Variants in FSTL4 observed in about 807,000 individuals in gnomAD.
FSTL4 encodes follistatin like 4.
Under a neutral mutation model 78.2 loss-of-function variants are expected in FSTL4, and 28 were observed. The ratio of observed to expected loss-of-function variants is 0.36; its 90% CI spans 0.27 to 0.49. The LOEUF is 0.49. FSTL4 is among the 20% of genes least tolerant of loss of function. FSTL4 has a pLI of 0.98. For missense variants in FSTL4, 922 were observed against 1,084.9 expected (o/e 0.85, Z 2.11); for synonymous variants, 422 against 440.5 (o/e 0.96, Z 0.53).
At chr5:133,215,150 A>ACGGGGTTTCACC (rs1202933954) in intron 13 of FSTL4, among the ~76,000 whole-genome samples, 1 of 152,104 alleles carries the variant, frequency 6.6e-6, no homozygotes, top group African/African-American at 2.4e-5. Flanking sequence ...ACTCCCTTGA[A>ACGGGGTTTCACC]ACACACTCTT....
At chr5:133,582,689 C>T (rs1760447551) in intron 2 of FSTL4, among the ~76,000 whole-genome samples, 1 of 152,214 alleles carries the variant, frequency 6.6e-6, no homozygotes, top group Non-Finnish European at 1.5e-5. Flanking sequence ...CCTCTTCTTC[C>T]TTCCATGCTA....
chr5:133,215,756 T>G (rs1293959377), intron 13 of FSTL4, among the ~76,000 whole-genome samples: 1 of 152,178 alleles, frequency 6.6e-6, no homozygotes, highest in Non-Finnish European at 1.5e-5. Flanking sequence ...TTCCATGCCT[T>G]TTTCCAGTCT....
At chr5:133,615,055 C>A (rs1318135333), upstream of FSTL4, among the ~76,000 whole-genome samples, 2 of 152,166 alleles carry the variant, frequency 1.3e-5, no homozygotes, top group East Asian at 3.8e-4. Flanking sequence ...TCAGATTACA[C>A]CTGCATATCA....
the FSTL4 span, among the ~76,000 whole-genome samples, chr5:133,777,079 T>C: frequency 3.9e-5 from 6 of 152,170 alleles, no homozygotes; most frequent in African/African-American, 7.2e-5. Context: ...GCACCAAGCA[T>C]AGAAATAATG....
At chr5:133,340,839 G>C (rs1754563645) in intron 4 of FSTL4, among the ~76,000 whole-genome samples, 1 of 152,028 alleles carries the variant, frequency 6.6e-6, no homozygotes, top group Non-Finnish European at 1.5e-5. Flanking sequence ...GTTTGCTCAG[G>C]ACATAAAAAG....
the FSTL4 span, among the ~76,000 whole-genome samples, chr5:133,769,036 G>T: frequency 6.6e-6 from 1 of 152,200 alleles, no homozygotes; most frequent in African/African-American, 2.4e-5. Context: ...CTGAACTTCT[G>T]CTTGCTGGCT....
the FSTL4 span, among the ~76,000 whole-genome samples, chr5:133,674,029 A>G: frequency 6.6e-6 from 1 of 152,364 alleles, no homozygotes; most frequent in African/African-American, 2.4e-5. Flanking sequence ...CACTGAAATG[A>G]TAATTACAGT....
intron 4 of FSTL4, among the ~76,000 whole-genome samples, chr5:133,392,585 A>T (rs1755876442): frequency 6.6e-6 from 1 of 152,134 alleles, no homozygotes; most frequent in African/African-American, 2.4e-5. Context: ...GAATTCAGGG[A>T]AGTTGCAGAA....
At chr5:133,458,953 G>A (rs779149347) in intron 3 of FSTL4, among the ~76,000 whole-genome samples, 5 of 152,092 alleles carry the variant, frequency 3.3e-5, no homozygotes, top group East Asian at 1.9e-4. Context: ...GAGGCGCAGC[G>A]GACATTAGAC....
the FSTL4 span, among the ~76,000 whole-genome samples, chr5:133,683,868 C>T: frequency 1.3e-5 from 2 of 152,314 alleles, no homozygotes; most frequent in Admixed American, 6.5e-5. Context: ...GGAGCCCTCC[C>T]TGCTGGGGCG....
chr5:133,482,979 C>T (rs113376634), intron 3 of FSTL4, among the ~76,000 whole-genome samples: 17,865 of 152,096 alleles, frequency 0.12, 1,394 homozygotes, highest in Non-Finnish European at 0.16. Flanking sequence ...TGGCTGTGTC[C>T]CCACCCAAAT....
intron 4 of FSTL4, among the ~76,000 whole-genome samples, chr5:133,385,604 C>T (rs917780317): frequency 9.9e-5 from 15 of 152,224 alleles, no homozygotes; most frequent in African/African-American, 2.9e-4. Context: ...ACCCTGTCCA[C>T]TGGCTCCTCT....
At chr5:133,322,240 C>CA (rs1754079915) in intron 4 of FSTL4, among the ~76,000 whole-genome samples, 1 of 64,906 alleles carries the variant, frequency 1.5e-5, no homozygotes. Context: ...CACACACACA[C>CA]CCCCACACCC....
chr5:133,286,693 T>C (rs543593266), intron 6 of FSTL4, among the ~76,000 whole-genome samples: 164 of 152,320 alleles, frequency 1.1e-3, no homozygotes, highest in Admixed American at 2.6e-3. Context: ...TAGGGAGGGC[T>C]TCCTGGAGGA....
intron 4 of FSTL4, among the ~76,000 whole-genome samples, chr5:133,378,036 T>C (rs1296580251): frequency 6.6e-6 from 1 of 152,080 alleles, no homozygotes; most frequent in South Asian, 2.1e-4. Flanking sequence ...GAATCGTATA[T>C]CCAACAAAAC....
At position 133,338,412 on chromosome 5, in the gene FSTL4, T is replaced by C. The variant is rs73282071; in HGVS notation, c.410-21760A>G. ...AGGCCCTTTTAAAGGTGGTCGTTGC[T>C]GAGAGTATTTGGCTGCTTCTCCTGC... On this transcript the variant is annotated intron_variant, in intron 4 of 15. Coordinates refer to ENST00000265342, the MANE Select transcript of FSTL4 (RefSeq NM_015082.2). This position sits in a 1 kb window ranked among gnomAD's most constrained non-coding sequence, Gnocchi z 4.0. Among the ~76,000 whole-genome samples the C allele has an allele frequency of 7.0e-3, 1,071 of 152,286 alleles. 12 individuals carry two copies. Among genetic ancestry groups the C allele is most frequent in the African/African-American group, 0.023 (968 of 41,546 alleles).
chr5:133,669,528 T>C, the FSTL4 span, among the ~76,000 whole-genome samples: 3 of 152,106 alleles, frequency 2.0e-5, no homozygotes, highest in African/African-American at 7.3e-5. Context: ...AGGGCTGAAG[T>C]GTGCCCTGCC....
the FSTL4 span, among the ~76,000 whole-genome samples, chr5:133,756,767 G>A: frequency 6.6e-6 from 1 of 152,102 alleles, no homozygotes; most frequent in Non-Finnish European, 1.5e-5. Context: ...TCTTCTATAG[G>A]CATTGTGGTG....
chr5:133,283,641 A>G (rs4365881), intron 6 of FSTL4, among the ~76,000 whole-genome samples: 113,921 of 152,022 alleles, frequency 0.75, 42,787 homozygotes, highest in Middle Eastern at 0.79. Context: ...GAGATGTTTG[A>G]CCATAAGGTG....
Sources: gnomAD v4.1 joint callset for allele counts (sites outside exome capture counted in the v4.1 genomes callset) on GRCh38, gnomAD v4.1.1 for gene constraint, Gnocchi (gnomAD v3.1) non-coding constraint, MANE v1.5 for transcripts, NCBI Gene and HGNC (gene_info 2026-07-23, HGNC 2026-07-21) for gene names.